Variants in BMP5 observed in about 807,000 individuals in gnomAD.
The protein encoded by BMP5 is bone morphogenetic protein 5.
Under a neutral mutation model 46.6 loss-of-function variants are expected in BMP5, and 23 were observed. That is an observed-to-expected ratio of 0.49 (90% confidence interval 0.35 to 0.70). The LOEUF (loss-of-function observed/expected upper bound fraction) is 0.70. Among genes scored for constraint, BMP5 ranks in the 30% least tolerant of loss-of-function variants. BMP5 has a pLI of 0.00. For missense variants in BMP5, 545 were observed against 565.6 expected, an observed-to-expected ratio of 0.96 and a Z score of 0.37; for synonymous variants, 204 against 191.9, an observed-to-expected ratio of 1.06 and a Z score of -0.52.
At position 55,841,024 on chromosome 6, in the gene BMP5, A is replaced by G. The variant is rs1245462546; in HGVS notation, c.491-21177T>C. On this transcript the variant is annotated intron_variant, in intron 1 of 6. Coordinates refer to ENST00000370830, the MANE Select transcript of BMP5 (RefSeq NM_021073.4). ...GAGCCCTGCCTCCTGTCAAACCAGC[A>G]GAGCCATTAGGTTCTCATAGGAGTG... Among the ~76,000 whole-genome samples the G allele has an allele frequency of 2.0e-5, 3 of 152,192 alleles. No homozygotes were observed. The East Asian group carries it at 5.8e-4, about 29-fold the overall frequency.
In BMP5 at chr6:55,864,906, G is replaced by GA. The variant is rs201286150; in HGVS notation, c.490+9469dup. Among the ~76,000 whole-genome samples, 492 of 146,470 alleles carry GA rather than the reference G, an allele frequency of 3.4e-3. 12 individuals carry two copies. The highest frequency in any genetic ancestry group is 0.028 in the Admixed American group (416 of 14,690). On this transcript the variant is annotated intron_variant, in intron 1 of 6. Transcript: ENST00000370830. ...ACAAAAATATTTAATAGCCGCATCT[G>GA]AAAAAAAAAACCCAAACAAATCGTC...
Position 55,794,336 on chromosome 6 carries a change from A to G in BMP5, c.775T>C (p.Trp259Arg). 3 of 1,614,072 alleles carry G rather than the reference A, an allele frequency of 1.9e-6. No homozygotes were observed. Among genetic ancestry groups the G allele is most frequent in the Non-Finnish European group, 2.5e-6 (3 of 1,179,918 alleles). Reference sequence around the variant, plus strand: ...AAATTATTCTGGGGATTAATCACCCAATGATTGCTGGTCACAGTGATATCA... The same window carrying G: ...AAATTATTCTGGGGATTAATCACCCGATGATTGCTGGTCACAGTGATATCA... ...VFDITVTSNH[W>R]VINPQNNLGL... The change falls in exon 3 of 7, where the codon TGG (tryptophan) becomes CGG (arginine). Residue 259 changes from tryptophan (W) to arginine (R), a missense_variant. Trp to Arg is a moderately radical substitution (Grantham distance 101). Coordinates refer to ENST00000370830, the MANE Select transcript of BMP5 (RefSeq NM_021073.4).
At chr6:55,853,362 CTG>C (rs199886340) in intron 1 of BMP5, among the ~76,000 whole-genome samples, 81 of 146,018 alleles carry the variant, frequency 5.5e-4, no homozygotes, top group Middle Eastern at 6.9e-3. Flanking sequence ...CTCTCTCTCT[CTG>C]ACTCTCTTTC....
chr6:55,830,329 T>C (rs1340568006), intron 1 of BMP5, among the ~76,000 whole-genome samples: 1 of 152,076 alleles, frequency 6.6e-6, no homozygotes, highest in Admixed American at 6.6e-5. Context: ...GGATCCTTAG[T>C]GGTCTCAGTT....
chr6:55,780,465 AAAAAAAAAGAAAG>A (rs1407367563), intron 3 of BMP5, among the ~76,000 whole-genome samples: 287 of 145,668 alleles, frequency 2.0e-3, no homozygotes, highest in South Asian at 3.5e-3. Flanking sequence ...CTAAAAAAAA[AAAAAAAAAGAAAG>A]AAAGAAAGAA....
chr6:55,850,182 G>C (rs1436891181), intron 1 of BMP5, among the ~76,000 whole-genome samples: 1 of 152,052 alleles, frequency 6.6e-6, no homozygotes, highest in Admixed American at 6.6e-5. Context: ...TTATTCATCT[G>C]TAAAATAGGG....
chr6:55,758,905 A>C (rs1774681769), intron 6 of BMP5, 100 bp downstream of exon 6: 1 of 852,186 alleles, frequency 1.2e-6, no homozygotes, highest in African/African-American at 1.7e-5. Flanking sequence ...GAGAAGATAA[A>C]ATAATGCATT....
intron 1 of BMP5, among the ~76,000 whole-genome samples, chr6:55,835,739 G>T (rs1346741363): frequency 1.3e-5 from 2 of 152,224 alleles, no homozygotes; most frequent in East Asian, 3.9e-4. Context: ...AGCCTACATT[G>T]TGTTCAAGAG....
At position 55,827,387 on chromosome 6, in the gene BMP5, G is replaced by A. The variant is rs1776557580; in HGVS notation, c.491-7540C>T. On this transcript the variant is annotated intron_variant, in intron 1 of 6. Transcript: ENST00000370830. ...TTTTAAAAATGTTTGTTATTATGGAGTTAAAAAAAAACCTGCAGGCTAGGT... is the reference window on the plus strand; with the variant it reads ...TTTTAAAAATGTTTGTTATTATGGAATTAAAAAAAAACCTGCAGGCTAGGT... Among the ~76,000 whole-genome samples, 4 of 151,110 alleles carry A rather than the reference G, an allele frequency of 2.6e-5. No homozygotes were observed. In the South Asian group the frequency reaches 8.3e-4, roughly 31 times the overall value.
At chr6:55,843,830 T>C (rs890400471) in intron 1 of BMP5, among the ~76,000 whole-genome samples, 2 of 152,096 alleles carry the variant, frequency 1.3e-5, no homozygotes, top group East Asian at 3.8e-4. Context: ...TTCATACTTT[T>C]ATTATCCTGC....
intron 5 of BMP5, among the ~76,000 whole-genome samples, chr6:55,759,434 C>G (rs1464057122): frequency 1.3e-5 from 2 of 151,640 alleles, no homozygotes; most frequent in African/African-American, 4.8e-5. Context: ...AACATGTATT[C>G]ACGAATAAAA....
intron 1 of BMP5, among the ~76,000 whole-genome samples, chr6:55,840,061 C>T (rs1776912913): frequency 6.6e-6 from 1 of 152,126 alleles, no homozygotes; most frequent in Admixed American, 6.5e-5. Flanking sequence ...CAGTTCGCCT[C>T]TTTATTTCAG....
At chr6:55,841,287 C>A (rs968455335) in intron 1 of BMP5, among the ~76,000 whole-genome samples, 1 of 152,002 alleles carries the variant, frequency 6.6e-6, no homozygotes. Context: ...TTATTTTTTT[C>A]TACTTATTTA....
At position 55,754,337 on chromosome 6, in the gene BMP5, C is replaced by T. The variant is rs1037745709; in HGVS notation, c.*1196G>A. The T allele has an allele frequency of 2.6e-5, 4 of 151,830 alleles. No homozygotes were observed. Among genetic ancestry groups the T allele is most frequent in the Admixed American group, 6.6e-5 (1 of 15,192 alleles). 9.4% of individuals were successfully genotyped at this position (151,830 alleles called of 1,614,324 possible). On this transcript the variant is annotated 3_prime_UTR_variant, in exon 7 of 7. Coordinates refer to ENST00000370830, the MANE Select transcript of BMP5 (RefSeq NM_021073.4). ...ATGCACACACAGACACACACACACA[C>T]ACACACACAACAGAACCTTCCTGTT...
At chr6:55,833,639 G>A (rs956834011) in intron 1 of BMP5, among the ~76,000 whole-genome samples, 2 of 152,012 alleles carry the variant, frequency 1.3e-5, no homozygotes, top group African/African-American at 4.8e-5. Flanking sequence ...AAGAATGAAG[G>A]GCTAAAAAAG....
At chr6:55,833,708 T>C (rs1439451026) in intron 1 of BMP5, among the ~76,000 whole-genome samples, 1 of 152,178 alleles carries the variant, frequency 6.6e-6, no homozygotes, top group Non-Finnish European at 1.5e-5. Flanking sequence ...CAGCAATCTC[T>C]GAAGGATAAA....
intron 4 of BMP5, among the ~76,000 whole-genome samples, chr6:55,766,327 C>A (rs1401568921): frequency 6.6e-6 from 1 of 152,036 alleles, no homozygotes; most frequent in African/African-American, 2.4e-5. Flanking sequence ...CCCAAGGAGG[C>A]TCCATCTTAT....
intron 6 of BMP5, among the ~76,000 whole-genome samples, chr6:55,757,054 T>C (rs1427962222): frequency 6.6e-6 from 1 of 151,866 alleles, no homozygotes; most frequent in Non-Finnish European, 1.5e-5. Context: ...CATCCCAGGG[T>C]AGAGATACAG....
At chr6:55,773,897 A>G in intron 4 of BMP5, 152 bp downstream of exon 4, 1 of 860,432 alleles carries the variant, frequency 1.2e-6, no homozygotes, top group Non-Finnish European at 1.9e-6. Context: ...TGATTCACTG[A>G]TGAAACATTC....
Sources: allele counts gnomAD v4.1 joint callset (sites outside exome capture counted in the v4.1 genomes callset), GRCh38; gene constraint gnomAD v4.1.1; transcripts MANE v1.5; gene names NCBI Gene and HGNC (gene_info 2026-07-23, HGNC 2026-07-21).